Variants in SESN3 observed in about 807,000 individuals in gnomAD.
The protein encoded by SESN3 is sestrin 3.
A neutral mutation model predicts 55.3 loss-of-function variants in SESN3; 21 were observed. That is an observed-to-expected ratio of 0.38 (90% CI 0.27 to 0.55). The LOEUF (loss-of-function observed/expected upper bound fraction) is 0.55, where lower values mean the gene tolerates loss of function less well. Ranked by LOEUF, SESN3 falls within the 20% of genes least tolerant of loss-of-function variation. The probability of loss-of-function intolerance (pLI) is 0.76; values close to 1 mark genes in which losing one functional copy is unlikely to be tolerated. For missense variants in SESN3, 408 were observed against 604.3 expected (o/e 0.68, Z 3.41); for synonymous variants, 181 against 203.1 (o/e 0.89, Z 0.93).
intron 1 of SESN3, chr11:95,224,562 T>G (rs181909432): frequency 2.7e-6 from 1 of 372,462 alleles, no homozygotes; most frequent in Admixed American, 4.0e-5. Context: ...CAATGAGTTA[T>G]GTAAATCTTT....
chr11:95,190,035 A>C, intron 3 of SESN3, 74 bp from the exon 4 acceptor site: 1 of 1,119,212 alleles, frequency 8.9e-7, no homozygotes, highest in Non-Finnish European at 1.2e-6. Flanking sequence ...CTAAACAAAT[A>C]ATTCAGATGG....
In SESN3 at chr11:95,175,088, G is replaced by C. The variant is rs118153692; in HGVS notation, c.1392+410C>G. Among the ~76,000 whole-genome samples, 989 of 152,270 alleles carry C rather than the reference G, an allele frequency of 6.5e-3. 3 individuals are homozygous for C. Among genetic ancestry groups the C allele is most frequent in the Non-Finnish European group, 9.0e-3 (613 of 68,012 alleles). On this transcript the variant is annotated intron_variant, in intron 9 of 9. Coordinates refer to ENST00000536441, the MANE Select transcript of SESN3 (RefSeq NM_144665.4). ...CTATTAAGACAACGGTTTCTGCTGGGCACAGTGGCTCCTGCCTGTAATCCC... is the reference window on the plus strand; with the variant it reads ...CTATTAAGACAACGGTTTCTGCTGGCCACAGTGGCTCCTGCCTGTAATCCC...
At chr11:95,184,981 A>T (rs1860136685) in intron 5 of SESN3, among the ~76,000 whole-genome samples, 1 of 151,992 alleles carries the variant, frequency 6.6e-6, no homozygotes, top group African/African-American at 2.4e-5. Flanking sequence ...TTGTTTTGGG[A>T]TCTACTGTCC....
intron 6 of SESN3, among the ~76,000 whole-genome samples, chr11:95,181,151 CA>C (rs1341687850): frequency 6.6e-6 from 1 of 151,994 alleles, no homozygotes; most frequent in East Asian, 1.9e-4. Context: ...TTTCATTTGG[CA>C]AATACTGATA....
intron 1 of SESN3, among the ~76,000 whole-genome samples, chr11:95,227,530 A>G (rs1860970483): frequency 6.6e-6 from 1 of 152,152 alleles, no homozygotes; most frequent in Non-Finnish European, 1.5e-5. Context: ...TCATTTTGAC[A>G]GTATCTTTGT....
chr11:95,229,723 A>G (rs974516703), intron 1 of SESN3, among the ~76,000 whole-genome samples: 1 of 152,212 alleles, frequency 6.6e-6, no homozygotes, highest in African/African-American at 2.4e-5. Flanking sequence ...AACCGTATTT[A>G]GAGATGTTGA....
intron 4 of SESN3, among the ~76,000 whole-genome samples, chr11:95,186,996 C>T (rs1170062099): frequency 1.3e-5 from 2 of 151,752 alleles, no homozygotes; most frequent in Admixed American, 6.6e-5. Context: ...TACAACCACA[C>T]ATATCTATAT....
intron 6 of SESN3, 130 bp downstream of exon 6, chr11:95,184,290 A>T (rs977891844): frequency 1.4e-6 from 1 of 726,302 alleles, no homozygotes; most frequent in African/African-American, 1.8e-5. Flanking sequence ...TGAGGGTAAG[A>T]TAGAAGAGGA....
At chr11:95,222,686 G>A (rs1462916752) in intron 1 of SESN3, among the ~76,000 whole-genome samples, 1 of 152,188 alleles carries the variant, frequency 6.6e-6, no homozygotes, top group Non-Finnish European at 1.5e-5. Flanking sequence ...TAAATGCAGT[G>A]CAATTGAATA....
At chr11:95,177,184 G>C (rs1472523365) in intron 8 of SESN3, among the ~76,000 whole-genome samples, 1 of 152,002 alleles carries the variant, frequency 6.6e-6, no homozygotes, top group Non-Finnish European at 1.5e-5. Flanking sequence ...TGTACTTACT[G>C]TCCTCTCAAT....
intron 1 of SESN3, chr11:95,201,291 T>G (rs1426880323): frequency 2.6e-5 from 4 of 152,088 alleles, no homozygotes; most frequent in Non-Finnish European, 4.4e-5. Context: ...TAGTGGAAAC[T>G]GGCAGTAGTA....
chr11:95,193,100 A>G (rs1232642373), intron 2 of SESN3, among the ~76,000 whole-genome samples: 1 of 152,092 alleles, frequency 6.6e-6, no homozygotes, highest in Non-Finnish European at 1.5e-5. Context: ...TGCATGGTGC[A>G]TCGTCCTCAC....
chr11:95,215,346 G>A (rs976800426), intron 1 of SESN3, among the ~76,000 whole-genome samples: 1 of 152,058 alleles, frequency 6.6e-6, no homozygotes, highest in East Asian at 1.9e-4. Flanking sequence ...CATCGTCCTA[G>A]ACATGAAACA....
intron 9 of SESN3, among the ~76,000 whole-genome samples, chr11:95,175,119 T>C (rs1357588615): frequency 2.0e-5 from 3 of 152,170 alleles, no homozygotes; most frequent in Admixed American, 1.3e-4. Context: ...ATCCCAGCAC[T>C]TTGGGAAGCC....
At chr11:95,209,194 A>T (rs1056686503) in intron 1 of SESN3, among the ~76,000 whole-genome samples, 1 of 151,586 alleles carries the variant, frequency 6.6e-6, no homozygotes, top group Non-Finnish European at 1.5e-5. Flanking sequence ...TAATATCCAG[A>T]ATCTACAAGG....
At chr11:95,212,135 A>G (rs1860666648) in intron 1 of SESN3, among the ~76,000 whole-genome samples, 1 of 152,164 alleles carries the variant, frequency 6.6e-6, no homozygotes, top group Non-Finnish European at 1.5e-5. Flanking sequence ...CTGAAACCAC[A>G]TACCTAAGCC....
In SESN3 at chr11:95,178,791, A is replaced by T; in HGVS notation, c.975T>A (p.Ser325=). Reference sequence around the variant, plus strand: ...CAAAACCAGGGTCTTCAATATATCGAGAGACATCAGATGTTATAATCATGT... The same window carrying T: ...CAAAACCAGGGTCTTCAATATATCGTGAGACATCAGATGTTATAATCATGT... ...EDDMIITSDV[S]RYIEDPGFGY... is the part of the protein sequence containing the mutation. The change falls in exon 7 of 10, where the codon TCT becomes TCA. Residue 325 remains serine, a synonymous_variant. Transcript: ENST00000536441. The T allele has an allele frequency of 6.2e-7, 1 of 1,610,370 alleles. No individual in the cohort carries two copies.
chr11:95,230,608 G>T lies in SESN3; in HGVS notation c.78+175C>A. Reference sequence around the variant, plus strand: ...TCTGTCCCGGCGGAAATAAAAAGCCGCAGTAGTCCAAACCCTCCTGCCCTC... The same window carrying T: ...TCTGTCCCGGCGGAAATAAAAAGCCTCAGTAGTCCAAACCCTCCTGCCCTC... On this transcript the variant is annotated intron_variant, in intron 1 of 9. Transcript: ENST00000536441. The surrounding 1 kb of genome is among the most constrained non-coding windows in gnomAD (Gnocchi z 4.6). The T allele has an allele frequency of 5.4e-6, 3 of 551,976 alleles. No individual in the cohort carries two copies. In the South Asian group the frequency reaches 6.5e-5, roughly 12 times the overall value. The allele number at this position is 551,976 out of a possible 1,614,324, so 34.2% of individuals were successfully genotyped here. A position where few individuals can be genotyped will look rare whatever the true frequency, so the allele number is the denominator to read the frequency against.
chr11:95,185,360 T>A lies in SESN3; in HGVS notation c.658A>T (p.Ile220Phe). The A allele has an allele frequency of 6.2e-7, 1 of 1,613,076 alleles. No individual in the cohort carries two copies. The highest frequency in any genetic ancestry group is 1.3e-5 in the African/African-American group (1 of 74,962). ...SGINPERDPE[I>F]SNGFRLISVN... is the part of the protein sequence containing the mutation. ...GATATTAGCCTGAATCCATTGGAGA[T>A]TTCTGGATCTCTCTCTGGATTGATA... Residue 220 changes from isoleucine to phenylalanine, a missense_variant, in exon 5 of 10, where the codon ATC becomes TTC. By Grantham distance (21) the Ile-to-Phe change is conservative. This residue lies in a region of SESN3 where 119 missense variants were observed against 139.9 expected (regional missense o/e 0.85). Transcript: ENST00000536441.
Sources: allele counts gnomAD v4.1 joint callset (sites outside exome capture counted in the v4.1 genomes callset), GRCh38; gene constraint gnomAD v4.1.1; regional missense constraint gnomAD v4.1.1; non-coding constraint Gnocchi (gnomAD v3.1); transcripts MANE v1.5; gene names NCBI Gene and HGNC (gene_info 2026-07-23, HGNC 2026-07-21).